GCN1: variants seen among roughly 807,000 people sequenced by gnomAD.
The protein encoded by GCN1 is stalled ribosome sensor GCN1.
GCN1 carries 90 observed loss-of-function variants against 288.4 expected under a neutral mutation model. The ratio of observed to expected loss-of-function variants is 0.31; its 90% confidence interval spans 0.26 to 0.37. GCN1 has a LOEUF of 0.37. Among genes scored for constraint, GCN1 ranks in the 10% least tolerant of loss-of-function variants. The pLI is 1.00. For synonymous variants in GCN1, 1,386 were observed against 1,420.2 expected (o/e 0.98, Z 0.54); for missense variants, 2,586 against 3,419.9 (o/e 0.76, Z 6.08).
chr12:120,167,605 T>G (rs1249656341), intron 16 of GCN1, among the ~76,000 whole-genome samples: 3 of 152,202 alleles, frequency 2.0e-5, no homozygotes, highest in Non-Finnish European at 4.4e-5. Context: ...ATTTTCAATG[T>G]AGACCCTCTT....
intron 45 of GCN1, 60 bp downstream of exon 45, chr12:120,140,799 C>A: frequency 3.3e-6 from 5 of 1,519,190 alleles, no homozygotes; most frequent in South Asian, 1.2e-5. Context: ...AGCCCTCCCC[C>A]GCCCTCTGAG....
chr12:120,160,041 C>T lies in GCN1; in HGVS notation c.2551-18G>A. ...CCATCCAGCTGCAAGCAGAGTTGTCCAGAAGGCAGGTCAGCAGGGCCCTGC... is the reference window on the plus strand; with the variant it reads ...CCATCCAGCTGCAAGCAGAGTTGTCTAGAAGGCAGGTCAGCAGGGCCCTGC... On this transcript the variant is annotated intron_variant, in intron 23 of 57. Coordinates refer to ENST00000300648, the MANE Select transcript of GCN1 (RefSeq NM_006836.2). The T allele has an allele frequency of 6.2e-7, 1 of 1,612,878 alleles. No homozygotes were observed. Among genetic ancestry groups the T allele is most frequent in the Non-Finnish European group, 8.5e-7 (1 of 1,178,856 alleles).
chr12:120,155,259 A>C lies in GCN1; in HGVS notation c.3612T>G (p.Ile1204Met). 6.2e-7 allele frequency: 1 copy of C among 1,614,160 alleles called. No homozygotes were observed. Among genetic ancestry groups the C allele is most frequent in the Non-Finnish European group, 8.5e-7 (1 of 1,180,026 alleles). ...CACTCACGTAGAGCTTTTCCTGGTA[A>C]ATCTCCATGAGCCTGCCCATAACCT... ...AAEVMGRLME[I>M]YQEKLYRPPP... The change falls in exon 30 of 58, where the codon ATT (isoleucine) becomes ATG (methionine). Residue 1204 changes from isoleucine to methionine, a missense_variant. Physicochemically the swap from Ile to Met is conservative, Grantham distance 10. Transcript: ENST00000300648. The surrounding 1 kb of genome is among the most constrained non-coding windows in gnomAD (Gnocchi z 4.9).
Position 120,155,882 on chromosome 12 carries a change from T to A in GCN1, c.3313-163A>T, listed in dbSNP as rs192755716. ...TTAACTCTAAGTAAGTTCCTTAGAG[T>A]GTGAGGTGGTAAAATGTTTTTTTAA... On this transcript the variant is annotated intron_variant, in intron 28 of 57. Coordinates refer to ENST00000300648, the MANE Select transcript of GCN1 (RefSeq NM_006836.2). This position sits in a 1 kb window ranked among gnomAD's most constrained non-coding sequence, Gnocchi z 4.9. Among the ~76,000 whole-genome samples, 14 of 152,190 alleles carry A rather than the reference T, an allele frequency of 9.2e-5. No homozygotes were observed. The highest frequency in any genetic ancestry group is 5.2e-4 in the Admixed American group (8 of 15,286).
chr12:120,140,356 G>A (rs1462810577), intron 45 of GCN1, among the ~76,000 whole-genome samples: 1 of 152,078 alleles, frequency 6.6e-6, no homozygotes, highest in African/African-American at 2.4e-5. Flanking sequence ...CCCCTTGAAC[G>A]TTGCTGCTAT....
chr12:120,153,077 G>A lies in GCN1; in HGVS notation c.4062+136C>T, dbSNP rs1877620074. 1 of 673,606 alleles carries A rather than the reference G, an allele frequency of 1.5e-6. No individual in the cohort carries two copies. The highest frequency in any genetic ancestry group is 2.5e-6 in the Non-Finnish European group (1 of 395,694). The allele number at this position is 673,606 out of a possible 1,614,324, so 41.7% of individuals were successfully genotyped here. On this transcript the variant is annotated intron_variant, in intron 33 of 57. Transcript: ENST00000300648. This position sits in a 1 kb window ranked among gnomAD's most constrained non-coding sequence, Gnocchi z 4.4. ...ATAAACCAGGCTCTCCCCTGCGAGA[G>A]GGGGTGAATCCTTAACAAGAACTGG... is the stretch of plus-strand genomic sequence containing the variant.
intron 5 of GCN1, among the ~76,000 whole-genome samples, chr12:120,180,534 G>A (rs1594287369): frequency 6.6e-6 from 1 of 151,944 alleles, no homozygotes; most frequent in East Asian, 1.9e-4. Flanking sequence ...GAACCCAGGA[G>A]GTGGAGTTTG....
intron 15 of GCN1, 138 bp from the exon 16 acceptor site, chr12:120,168,438 G>T: frequency 1.5e-6 from 1 of 651,256 alleles, no homozygotes; most frequent in Non-Finnish European, 2.8e-6. Context: ...TCTTCCATTT[G>T]GGGAACTGAC....
In GCN1 at chr12:120,164,325, G is replaced by C; in HGVS notation, c.1848+11C>G. On this transcript the variant is annotated intron_variant, in intron 18 of 57. Transcript: ENST00000300648. ...CCAAGAGCCCCAGTTCTAGAGCCCA[G>C]ATGCCCTCACCTTGTGAGAACTGAG... 1 of 1,609,740 alleles carries C rather than the reference G, an allele frequency of 6.2e-7. No homozygotes were observed. The highest frequency in any genetic ancestry group is 8.5e-7 in the Non-Finnish European group (1 of 1,176,870).
chr12:120,158,070 C>T lies in GCN1; in HGVS notation c.2906-40G>A. 2 of 1,598,852 alleles carry T rather than the reference C, an allele frequency of 1.3e-6. No individual in the cohort carries two copies. Among genetic ancestry groups the T allele is most frequent in the South Asian group, 1.1e-5 (1 of 89,864 alleles). On this transcript the variant is annotated intron_variant, in intron 25 of 57. Coordinates refer to ENST00000300648, the MANE Select transcript of GCN1 (RefSeq NM_006836.2). This position sits in a 1 kb window ranked among gnomAD's most constrained non-coding sequence, Gnocchi z 4.3. The stretch of plus-strand genomic sequence containing the variant: ...AGCAGATAAGATTCTGCAGGCAGGG[C>T]AGGGACCCGGGCCACTGCTGCCTAT...
chr12:120,134,247 A>AGC lies in GCN1; in HGVS notation c.7317+43_7317+44insGC. On this transcript the variant is annotated intron_variant, in intron 53 of 57. Transcript: ENST00000300648. The surrounding 1 kb of genome is among the most constrained non-coding windows in gnomAD (Gnocchi z 5.0). The stretch of plus-strand genomic sequence containing the variant: ...AACTCAACCTAAGGAGGAGGAGGGA[A>AGC]ACCAGTGGTCCAGTGCTGCCACTAG... 1 of 1,321,124 alleles carries AGC rather than the reference A, an allele frequency of 7.6e-7. No individual in the cohort carries two copies. The highest frequency in any genetic ancestry group is 1.1e-6 in the Non-Finnish European group (1 of 914,084). The allele number at this position is 1,321,124 out of a possible 1,614,324, so 81.8% of individuals were successfully genotyped here.
At chr12:120,146,053 G>A (rs946628180) in intron 38 of GCN1, among the ~76,000 whole-genome samples, 2 of 152,064 alleles carry the variant, frequency 1.3e-5, no homozygotes, top group Admixed American at 6.6e-5. Flanking sequence ...GATCACCTGA[G>A]GTCAGGAGTT....
rs1876658766 is a variant in GCN1, at chr12:120,127,619, C to T, written c.*230G>A. 1 of 499,228 alleles carries T rather than the reference C, an allele frequency of 2.0e-6. No homozygotes were observed. The highest frequency in any genetic ancestry group is 3.6e-6 in the Non-Finnish European group (1 of 275,394). 30.9% of individuals were successfully genotyped at this position (499,228 alleles called of 1,614,324 possible). A position where few individuals can be genotyped will look rare whatever the true frequency, so the allele number is the denominator to read the frequency against. On this transcript the variant is annotated 3_prime_UTR_variant, in exon 58 of 58. Transcript: ENST00000300648. ...GCTCCTGGGCTGCCATTTGCTGAGG[C>T]GCATGCGTGTGCTTTTCCTTCTCTT...
intron 42 of GCN1, 112 bp from the exon 43 acceptor site, chr12:120,143,053 T>C (rs1877249215): frequency 1.6e-6 from 1 of 643,132 alleles, no homozygotes; most frequent in South Asian, 2.0e-5. Context: ...ATGACGGTCA[T>C]CTTGGAATGG....
chr12:120,129,986 T>A (rs1036505329), intron 56 of GCN1, among the ~76,000 whole-genome samples: 4 of 152,114 alleles, frequency 2.6e-5, no homozygotes, highest in Admixed American at 2.0e-4. Flanking sequence ...CGAGGCTCAA[T>A]CGAATCAGGC....
At chr12:120,167,188 A>G (rs763412000) in intron 16 of GCN1, among the ~76,000 whole-genome samples, 2 of 151,732 alleles carry the variant, frequency 1.3e-5, no homozygotes, top group East Asian at 3.9e-4. Flanking sequence ...AAGAAAAAAA[A>G]AAACAAAAAC....
At chr12:120,185,528 C>CA (rs1209336141) in intron 2 of GCN1, among the ~76,000 whole-genome samples, 3 of 152,154 alleles carry the variant, frequency 2.0e-5, no homozygotes, top group African/African-American at 7.2e-5. Context: ...TACAAGATGC[C>CA]AGACCCTGCT....
At position 120,153,396 on chromosome 12, in the gene GCN1, G is replaced by A; in HGVS notation, c.3879C>T (p.Asn1293=). The A allele has an allele frequency of 6.2e-7, 1 of 1,613,990 alleles. No individual in the cohort carries two copies. The highest frequency in any genetic ancestry group is 8.5e-7 in the Non-Finnish European group (1 of 1,179,996). ...ACTCCTCGAATACTGGCAACAGCGA[G>A]TTGACGTTCTCCTGGAAAGCCAAAC... The part of the protein sequence containing the change: ...TLNTHGKENV[N]SLLPVFEEFL... The change falls in exon 33 of 58, where the codon AAC becomes AAT. Residue 1293 remains asparagine, a synonymous_variant. Coordinates refer to ENST00000300648, the MANE Select transcript of GCN1 (RefSeq NM_006836.2). The surrounding 1 kb of genome is among the most constrained non-coding windows in gnomAD (Gnocchi z 4.4).
rs1223683699 is a variant in GCN1 at position 120,164,466 on chromosome 12, A to G, written c.1718T>C (p.Leu573Pro). 6.2e-7 allele frequency: 1 copy of G among 1,614,082 alleles called. No homozygotes were observed. The highest frequency in any genetic ancestry group is 1.7e-5 in the Admixed American group (1 of 60,024). ...GCGGACGTGCCAGGTGCGGCTCAGGAGCACCGCCACCAGAGCCCGGTGGTA... is the reference window on the plus strand; with the variant it reads ...GCGGACGTGCCAGGTGCGGCTCAGGGGCACCGCCACCAGAGCCCGGTGGTA... ...QQYHRALVAVLLSRTWHVRRQ... is the reference protein window; with the variant it reads ...QQYHRALVAVPLSRTWHVRRQ... The change falls in exon 18 of 58, where the codon CTC becomes CCC. Residue 573 changes from leucine (L) to proline (P), a missense_variant. Transcript: ENST00000300648.
Sources: gnomAD v4.1 joint callset for allele counts (sites outside exome capture counted in the v4.1 genomes callset) on GRCh38, gnomAD v4.1.1 for gene constraint, Gnocchi (gnomAD v3.1) non-coding constraint, MANE v1.5 for transcripts, NCBI Gene and HGNC (gene_info 2026-07-23, HGNC 2026-07-21) for gene names.